Variants in INVS observed in about 807,000 individuals in gnomAD.
INVS encodes the protein inversin, also known as inversion of embryo turning homolog.
INVS carries 86 observed loss-of-function variants against 108.8 expected under a neutral mutation model. The observed-to-expected ratio is 0.79, with a 90% confidence interval of 0.66 to 0.95. INVS has a LOEUF of 0.95. INVS is among the 40% of genes least tolerant of loss of function. The pLI is 0.00. For synonymous variants in INVS, 455 were observed against 473.5 expected, an observed-to-expected ratio of 0.96 and a Z score of 0.51; for missense variants, 1,169 against 1,297.4, an observed-to-expected ratio of 0.90 and a Z score of 1.52.
intron 3 of INVS, among the ~76,000 whole-genome samples, chr9:100,141,601 G>A (rs1259250335): frequency 6.6e-6 from 1 of 152,174 alleles, no homozygotes; most frequent in Admixed American, 6.5e-5. Flanking sequence ...CAGTGAAAGC[G>A]TCTACCTAGA....
At chr9:100,257,447 A>G (rs529468201) in intron 10 of INVS, among the ~76,000 whole-genome samples, 1 of 152,162 alleles carries the variant, frequency 6.6e-6, no homozygotes, top group East Asian at 1.9e-4. Context: ...TGATCCTGTC[A>G]TTATGATGTT....
intron 3 of INVS, among the ~76,000 whole-genome samples, chr9:100,164,308 T>C (rs1462545730): frequency 6.6e-6 from 1 of 152,168 alleles, no homozygotes; most frequent in Non-Finnish European, 1.5e-5. Flanking sequence ...AATACATTGT[T>C]ATTAACTCTA....
intron 13 of INVS, among the ~76,000 whole-genome samples, chr9:100,289,357 A>G (rs2118747459): frequency 6.6e-6 from 1 of 152,324 alleles, no homozygotes; most frequent in South Asian, 2.1e-4. Context: ...CTCACCAACC[A>G]GTCCAAAGTC....
At chr9:100,219,127 T>C (rs1475023733) in intron 3 of INVS, among the ~76,000 whole-genome samples, 1 of 151,744 alleles carries the variant, frequency 6.6e-6, no homozygotes, top group Non-Finnish European at 1.5e-5. Flanking sequence ...ACAGAGAAGA[T>C]ATTTGCAAAA....
In INVS at chr9:100,292,976, C is replaced by G. The variant is rs267607185; in HGVS notation, c.2719C>G (p.Arg907Gly). The change falls in exon 14 of 17, where the codon CGA becomes GGA. Residue 907 changes from arginine (R) to glycine (G), a missense_variant. Transcript: ENST00000262457. ...CCGACTGCAGATAATTCAGAGAGAA[C>G]GAAGGAGGAAGGAGCTGTTTCGCAA... The part of the protein sequence containing the change: ...ELRLQIIQRE[R>G]RRKELFRKKN... 1 of 1,613,424 alleles carries G rather than the reference C, an allele frequency of 6.2e-7. No homozygotes were observed. The highest frequency in any genetic ancestry group is 1.3e-5 in the African/African-American group (1 of 74,886).
chr9:100,132,573 T>G (rs1425575835), intron 3 of INVS, among the ~76,000 whole-genome samples: 1 of 152,192 alleles, frequency 6.6e-6, no homozygotes, highest in East Asian at 1.9e-4. Flanking sequence ...ATTATCAATA[T>G]TATTGCTATT....
chr9:100,156,396 G>GT (rs1376057949), intron 3 of INVS, among the ~76,000 whole-genome samples: 1 of 151,588 alleles, frequency 6.6e-6, no homozygotes, highest in Non-Finnish European at 1.5e-5. Flanking sequence ...AAGTAGCTGG[G>GT]TTTAAAAGCA....
In INVS at chr9:100,284,531, C is replaced by G. The variant is rs772048589; in HGVS notation, c.1996C>G (p.Leu666Val). Residue 666 changes from leucine (L) to valine (V), a missense_variant, in exon 13 of 17, where the codon CTA becomes GTA. Physicochemically the swap from Leu to Val is conservative, Grantham distance 32. This residue lies in a region of INVS where 533 missense variants were observed against 536.0 expected (regional missense o/e 0.99). Coordinates refer to ENST00000262457, the MANE Select transcript of INVS (RefSeq NM_014425.5). Reference sequence around the variant, plus strand: ...CAGCAGAGGATCTCCAGGAGGGTCTCTAGGCGGAGCCCTCCAGAAGGAGCA... The same window carrying G: ...CAGCAGAGGATCTCCAGGAGGGTCTGTAGGCGGAGCCCTCCAGAAGGAGCA... Reference protein sequence around the residue: ...RDSRGSPGGSLGGALQKEQHV... With the variant: ...RDSRGSPGGSVGGALQKEQHV... 3 of 1,613,914 alleles carry G rather than the reference C, an allele frequency of 1.9e-6. No homozygotes were observed. Among genetic ancestry groups the G allele is most frequent in the Non-Finnish European group, 2.5e-6 (3 of 1,179,934 alleles).
At chr9:100,142,997 G>A (rs1828482153) in intron 3 of INVS, among the ~76,000 whole-genome samples, 1 of 152,174 alleles carries the variant, frequency 6.6e-6, no homozygotes, top group African/African-American at 2.4e-5. Context: ...ATTATGCTGA[G>A]ATAGGTAACA....
chr9:100,221,715 G>C (rs1831157394), intron 3 of INVS, among the ~76,000 whole-genome samples: 2 of 151,634 alleles, frequency 1.3e-5, no homozygotes, highest in South Asian at 4.2e-4. Flanking sequence ...AACCACTACT[G>C]TAATTCCCCA....
intron 3 of INVS, among the ~76,000 whole-genome samples, chr9:100,199,313 T>C (rs1324287889): frequency 6.6e-6 from 1 of 152,192 alleles, no homozygotes; most frequent in African/African-American, 2.4e-5. Context: ...ATAGACTTTC[T>C]TTTTTATCTA....
At chr9:100,270,985 G>A (rs1014072394) in intron 11 of INVS, among the ~76,000 whole-genome samples, 1 of 150,338 alleles carries the variant, frequency 6.7e-6, no homozygotes, top group Non-Finnish European at 1.5e-5. Flanking sequence ...GTTGCCATTT[G>A]AGATTCAAAT....
chr9:100,138,063 AGCAAGTAGGTAT>A (rs1564128219), intron 3 of INVS, among the ~76,000 whole-genome samples: 1 of 152,270 alleles, frequency 6.6e-6, no homozygotes, highest in African/African-American at 2.4e-5. Context: ...TGAGAATAAC[AGCAAGTAGGTAT>A]AGCCATCTAG....
chr9:100,174,693 A>G (rs942792318), intron 3 of INVS, among the ~76,000 whole-genome samples: 1 of 152,148 alleles, frequency 6.6e-6, no homozygotes, highest in Admixed American at 6.6e-5. Flanking sequence ...CAGGCAGACC[A>G]CCTGAGGTCA....
intron 12 of INVS, among the ~76,000 whole-genome samples, chr9:100,282,276 G>A (rs1156649995): frequency 1.3e-5 from 2 of 152,252 alleles, no homozygotes; most frequent in South Asian, 2.1e-4. Context: ...CTCAGGCTCC[G>A]AGATGACAGG....
intron 11 of INVS, among the ~76,000 whole-genome samples, chr9:100,270,320 A>T (rs1029589803): frequency 1.3e-5 from 2 of 152,192 alleles, no homozygotes; most frequent in African/African-American, 2.4e-5. Context: ...AAATTTTTTT[A>T]AAAGAATAGG....
chr9:100,280,668 G>A (rs1833247505), intron 12 of INVS, among the ~76,000 whole-genome samples: 1 of 151,962 alleles, frequency 6.6e-6, no homozygotes, highest in Admixed American at 6.6e-5. Context: ...AAGTAAAATA[G>A]ATCTTTATAA....
chr9:100,191,656 A>C (rs1370864937), intron 3 of INVS, among the ~76,000 whole-genome samples: 1 of 151,816 alleles, frequency 6.6e-6, no homozygotes, highest in Non-Finnish European at 1.5e-5. Context: ...TTAACAATCA[A>C]CCTTTTGGGT....
At chr9:100,100,604 A>AATATATATAATATATGTATATATAAT (rs1826808668) in intron 1 of INVS, among the ~76,000 whole-genome samples, 4 of 90,786 alleles carry the variant, frequency 4.4e-5, no homozygotes, top group Non-Finnish European at 6.2e-5. Context: ...ATGTACATAT[A>AATATATATAATATATGTATATATAAT]ATATATATAA....
Sources: gnomAD v4.1 joint callset for allele counts (sites outside exome capture counted in the v4.1 genomes callset) on GRCh38, gnomAD v4.1.1 for gene constraint, gnomAD v4.1.1 regional missense constraint, MANE v1.5 for transcripts, NCBI Gene and HGNC (gene_info 2026-07-23, HGNC 2026-07-21) for gene names.